Variants in LHFPL3 observed in about 807,000 individuals in gnomAD.
LHFPL3 encodes the protein LHFPL tetraspan subfamily member 3.
LHFPL3 carries 5 observed loss-of-function variants against 19.3 expected under a neutral mutation model. The observed-to-expected ratio is 0.26, with a 90% CI of 0.14 to 0.54. The LOEUF is 0.54. Among genes scored for constraint, LHFPL3 ranks in the 20% least tolerant of loss-of-function variants. The pLI is 0.94. For missense variants in LHFPL3, 249 were observed against 307.4 expected, an observed-to-expected ratio of 0.81 and a Z score of 1.42; for synonymous variants, 133 against 126.2, an observed-to-expected ratio of 1.05 and a Z score of -0.36.
intron 1 of LHFPL3, among the ~76,000 whole-genome samples, chr7:104,611,823 T>C (rs1399162841): frequency 6.6e-6 from 1 of 152,110 alleles, no homozygotes; most frequent in African/African-American, 2.4e-5. Flanking sequence ...CTCAATTTAG[T>C]TCATTTGAAA....
At chr7:104,728,317 G>A (rs771513459) in intron 1 of LHFPL3, among the ~76,000 whole-genome samples, 8 of 152,096 alleles carry the variant, frequency 5.3e-5, no homozygotes, top group Non-Finnish European at 1.2e-4. Context: ...CCTCTTGCTA[G>A]CTTCAGGAAT....
rs190928409 is a variant in LHFPL3, at chr7:104,389,208, A to G, written c.445+59984A>G. 7.7e-4 allele frequency among the ~76,000 whole-genome samples: 118 copies of G among 152,286 alleles called. 1 individual carries two copies. Among genetic ancestry groups the G allele is most frequent in the East Asian group, 5.8e-4 (3 of 5,194 alleles). ...ATACAAAATCAATATACAACAATCA[A>G]TTGTATTTCTGTACACTAGTAATGA... On this transcript the variant is annotated intron_variant, in intron 1 of 2. Transcript: ENST00000424859.
intron 1 of LHFPL3, among the ~76,000 whole-genome samples, chr7:104,562,525 C>G (rs1191447740): frequency 6.6e-6 from 1 of 152,180 alleles, no homozygotes; most frequent in East Asian, 1.9e-4. Context: ...CCTTGGTTTT[C>G]AGCTCCATCA....
intron 2 of LHFPL3, among the ~76,000 whole-genome samples, chr7:104,767,007 CT>C (rs1794467238): frequency 6.6e-6 from 1 of 152,158 alleles, no homozygotes; most frequent in African/African-American, 2.4e-5. Context: ...TCATAAGGAA[CT>C]TCGATTTTCT....
chr7:104,587,447 A>G (rs1345902689), intron 1 of LHFPL3, among the ~76,000 whole-genome samples: 1 of 152,042 alleles, frequency 6.6e-6, no homozygotes, highest in Non-Finnish European at 1.5e-5. Context: ...AAGGACATGA[A>G]CTCATCATTT....
At chr7:104,403,760 A>T (rs2078483) in intron 1 of LHFPL3, among the ~76,000 whole-genome samples, 6 of 148,650 alleles carry the variant, frequency 4.0e-5, no homozygotes, top group African/African-American at 1.5e-4. Context: ...TCTCTCTCTC[A>T]TCATTAGGAA....
chr7:104,711,673 C>T (rs1277828438), intron 1 of LHFPL3, among the ~76,000 whole-genome samples: 1 of 152,080 alleles, frequency 6.6e-6, no homozygotes, highest in Non-Finnish European at 1.5e-5. Context: ...GGACTGCCAA[C>T]AAGCAGGTTA....
chr7:104,680,867 G>A lies in LHFPL3; in HGVS notation c.446-55808G>A, dbSNP rs539278138. 2.0e-5 allele frequency among the ~76,000 whole-genome samples: 3 copies of A among 152,228 alleles called. No individual in the cohort carries two copies. In the East Asian group the frequency reaches 5.8e-4, roughly 29 times the overall value. ...ATCCTACTTAAGGATAAAAACACTGGAAAGGAAACATCTAAAGGAGGAAAA... is the reference window on the plus strand; with the variant it reads ...ATCCTACTTAAGGATAAAAACACTGAAAAGGAAACATCTAAAGGAGGAAAA... On this transcript the variant is annotated intron_variant, in intron 1 of 2. Transcript: ENST00000424859.
intron 1 of LHFPL3, among the ~76,000 whole-genome samples, chr7:104,575,559 TAA>T (rs58118006): frequency 0.049 from 1,762 of 36,080 alleles, 30 homozygotes; most frequent in African/African-American, 0.13. Flanking sequence ...CAAAGAGATC[TAA>T]AAAAAAAAAA....
Position 104,810,002 on chromosome 7 carries a change from TCTAAATGGGTTATG to T in LHFPL3, c.682+73093_682+73106del, listed in dbSNP as rs979059868. The stretch of plus-strand genomic sequence containing the variant: ...TACCAGGCAGGAACACTGAATTTAG[TCTAAATGGGTTATG>T]CAAAGCTTCTTGGAGGAAGCAACAA... On this transcript the variant is annotated intron_variant, in intron 2 of 2. Transcript: ENST00000424859. Among the ~76,000 whole-genome samples, 24 of 152,302 alleles carry T rather than the reference TCTAAATGGGTTATG, an allele frequency of 1.6e-4. 1 individual carries two copies. The East Asian group carries it at 3.1e-3, about 20-fold the overall frequency.
chr7:104,739,438 A>G (rs767129711), intron 2 of LHFPL3, among the ~76,000 whole-genome samples: 1 of 152,240 alleles, frequency 6.6e-6, no homozygotes, highest in Non-Finnish European at 1.5e-5. Flanking sequence ...CATCAATGCT[A>G]TCTTCTATAG....
intron 1 of LHFPL3, among the ~76,000 whole-genome samples, chr7:104,613,476 A>T (rs1313577152): frequency 6.6e-6 from 1 of 152,176 alleles, no homozygotes; most frequent in Non-Finnish European, 1.5e-5. Flanking sequence ...GAAAATGACG[A>T]TTCTTTTGAA....
chr7:104,455,863 A>G (rs958386661), intron 1 of LHFPL3, among the ~76,000 whole-genome samples: 1 of 152,216 alleles, frequency 6.6e-6, no homozygotes, highest in African/African-American at 2.4e-5. Context: ...AGCAATCTCT[A>G]TTTTCATAAA....
intron 1 of LHFPL3, among the ~76,000 whole-genome samples, chr7:104,674,372 CTTTTTTT>C (rs531335106): frequency 7.4e-6 from 1 of 134,706 alleles, no homozygotes; most frequent in Non-Finnish European, 1.6e-5. Flanking sequence ...TTTTCTTTTT[CTTTTTTT>C]TTTTTTTTTT....
intron 2 of LHFPL3, among the ~76,000 whole-genome samples, chr7:104,888,730 A>G (rs1476295343): frequency 6.6e-5 from 10 of 152,224 alleles, no homozygotes; most frequent in Admixed American, 6.5e-4. Flanking sequence ...TCACTGTCAC[A>G]TGTGTCAACA....
chr7:104,425,749 A>T (rs573693707), intron 1 of LHFPL3, among the ~76,000 whole-genome samples: 2 of 152,194 alleles, frequency 1.3e-5, no homozygotes, highest in African/African-American at 2.4e-5. Flanking sequence ...TGTCTGAAGG[A>T]TTCTTTTAAC....
intron 2 of LHFPL3, among the ~76,000 whole-genome samples, chr7:104,779,135 C>T (rs780879374): frequency 6.6e-6 from 1 of 152,180 alleles, no homozygotes. Flanking sequence ...CCCTGCCACA[C>T]TTAATAGCTG....
At chr7:104,675,529 A>G (rs1792573241) in intron 1 of LHFPL3, among the ~76,000 whole-genome samples, 2 of 152,170 alleles carry the variant, frequency 1.3e-5, no homozygotes, top group South Asian at 4.1e-4. Context: ...TGCTATGTGG[A>G]AAAGGGGTGC....
At chr7:104,518,850 A>AGATAGATAAATAGATAGATAGAAAG (rs748597414) in intron 1 of LHFPL3, among the ~76,000 whole-genome samples, 6 of 139,980 alleles carry the variant, frequency 4.3e-5, no homozygotes, top group African/African-American at 1.6e-4. Flanking sequence ...TAGATAGAAT[A>AGATAGATAAATAGATAGATAGAAAG]AATAAAAAAA....
Sources: allele counts gnomAD v4.1 joint callset (sites outside exome capture counted in the v4.1 genomes callset), GRCh38; gene constraint gnomAD v4.1.1; transcripts MANE v1.5; gene names NCBI Gene and HGNC (gene_info 2026-07-23, HGNC 2026-07-21).